ZNF385D: variants seen among roughly 807,000 people sequenced by gnomAD.
The protein encoded by ZNF385D is zinc finger protein 385D, also known as zinc finger protein 659.
In ZNF385D, 15 loss-of-function variants were observed where a neutral mutation model predicts 35.8. That is an observed-to-expected ratio of 0.42 (90% confidence interval 0.28 to 0.64). The LOEUF (loss-of-function observed/expected upper bound fraction) is 0.64, where lower values mean the gene tolerates loss of function less well. Ranked by LOEUF, ZNF385D falls within the 30% of genes least tolerant of loss-of-function variation. The pLI is 0.23. For synonymous variants in ZNF385D, 212 were observed against 186.8 expected (o/e 1.13, Z -1.10); for missense variants, 474 against 494.6 (o/e 0.96, Z 0.39).
intron 3 of ZNF385D, among the ~76,000 whole-genome samples, chr3:22,078,314 G>T (rs563808288): frequency 1.3e-5 from 2 of 152,036 alleles, no homozygotes; most frequent in East Asian, 1.9e-4. Flanking sequence ...TGACTGCATC[G>T]CATTGCAATA....
At chr3:21,927,532 C>T (rs934062854) in intron 3 of ZNF385D, among the ~76,000 whole-genome samples, 37 of 152,132 alleles carry the variant, frequency 2.4e-4, no homozygotes, top group Non-Finnish European at 1.6e-4. Context: ...AGTATTAAAA[C>T]GAAACAAAAA....
At chr3:21,664,820 C>A in intron 2 of ZNF385D, 66 bp downstream of exon 2, 1 of 1,606,162 alleles carries the variant, frequency 6.2e-7, no homozygotes, top group Non-Finnish European at 8.5e-7. Context: ...CCGAACCAAC[C>A]CTGGCCTTTA....
chr3:22,172,028 T>A (rs1198006980), intron 2 of ZNF385D, among the ~76,000 whole-genome samples: 2 of 152,180 alleles, frequency 1.3e-5, no homozygotes, highest in Non-Finnish European at 2.9e-5. Context: ...AAATGGAAAT[T>A]TGACATATTT....
intron 4 of ZNF385D, among the ~76,000 whole-genome samples, chr3:21,509,148 C>T (rs1160218634): frequency 6.6e-6 from 1 of 152,024 alleles, no homozygotes; most frequent in Non-Finnish European, 1.5e-5. Flanking sequence ...TAATGAAACA[C>T]ATATTTTCAT....
At chr3:21,924,854 T>C (rs13077139) in intron 3 of ZNF385D, among the ~76,000 whole-genome samples, 81,195 of 151,876 alleles carry the variant, frequency 0.53, 23,787 homozygotes, top group South Asian at 0.66. Flanking sequence ...CTGAGGCCCA[T>C]TGGGAAACCT....
At chr3:22,066,680 T>C (rs1447109233) in intron 3 of ZNF385D, among the ~76,000 whole-genome samples, 2 of 151,814 alleles carry the variant, frequency 1.3e-5, no homozygotes, top group Non-Finnish European at 2.9e-5. Context: ...GTAACAAGGT[T>C]AGAAGAGGAA....
At chr3:21,774,666 T>A (rs1416658789) in intron 3 of ZNF385D, among the ~76,000 whole-genome samples, 1 of 151,744 alleles carries the variant, frequency 6.6e-6, no homozygotes. Context: ...TTAAGAGATT[T>A]TGTTGACTAG....
intron 2 of ZNF385D, among the ~76,000 whole-genome samples, chr3:22,280,653 C>T (rs1701690428): frequency 6.6e-6 from 1 of 152,046 alleles, no homozygotes; most frequent in Admixed American, 6.6e-5. Context: ...CAGTACCATG[C>T]TGTTTTGGTG....
intron 3 of ZNF385D, among the ~76,000 whole-genome samples, chr3:22,143,351 T>C (rs1319872142): frequency 6.6e-6 from 1 of 152,108 alleles, no homozygotes; most frequent in Non-Finnish European, 1.5e-5. Flanking sequence ...CCCAAAGCGC[T>C]AGGATTACAG....
chr3:22,256,967 A>G (rs1421965540), intron 2 of ZNF385D, among the ~76,000 whole-genome samples: 2 of 151,908 alleles, frequency 1.3e-5, no homozygotes, highest in East Asian at 1.9e-4. Context: ...GACTTAGATC[A>G]AAAGTTATCC....
intron 3 of ZNF385D, among the ~76,000 whole-genome samples, chr3:21,883,282 T>C (rs949162373): frequency 2.6e-5 from 4 of 151,860 alleles, no homozygotes; most frequent in African/African-American, 9.7e-5. Flanking sequence ...AACTTAAAGA[T>C]TTATATTAAT....
At chr3:21,641,917 G>A (rs1231462190) in intron 2 of ZNF385D, among the ~76,000 whole-genome samples, 2 of 152,052 alleles carry the variant, frequency 1.3e-5, no homozygotes, top group African/African-American at 4.8e-5. Context: ...TTGCATGGGG[G>A]AATGCCAGCA....
At chr3:21,502,770 C>T (rs558904662) in intron 4 of ZNF385D, among the ~76,000 whole-genome samples, 3 of 152,280 alleles carry the variant, frequency 2.0e-5, no homozygotes, top group East Asian at 1.9e-4. Flanking sequence ...GCACTTATCA[C>T]ACATCTTGAG....
chr3:21,904,529 T>A (rs1477741629), intron 3 of ZNF385D, among the ~76,000 whole-genome samples: 6 of 152,136 alleles, frequency 3.9e-5, no homozygotes, highest in African/African-American at 1.4e-4. Context: ...TTGATTACGT[T>A]GAGTTGGCAA....
chr3:22,040,921 A>C (rs549432822), intron 3 of ZNF385D, among the ~76,000 whole-genome samples: 2 of 152,104 alleles, frequency 1.3e-5, no homozygotes, highest in Non-Finnish European at 2.9e-5. Flanking sequence ...TTTAATTGAG[A>C]TATAATTTAT....
intron 2 of ZNF385D, among the ~76,000 whole-genome samples, chr3:21,573,518 T>C (rs17009064): frequency 0.014 from 2,125 of 152,276 alleles, 50 homozygotes; most frequent in African/African-American, 0.048. Flanking sequence ...CTCTGACTCA[T>C]GGGCACCAAG....
At chr3:22,350,165 T>C (rs1195301093) in intron 2 of ZNF385D, among the ~76,000 whole-genome samples, 1 of 152,176 alleles carries the variant, frequency 6.6e-6, no homozygotes, top group Non-Finnish European at 1.5e-5. Context: ...AGCGTTTACA[T>C]GCAAAGAAGT....
intron 1 of ZNF385D, among the ~76,000 whole-genome samples, chr3:21,742,500 C>G (rs6767098): frequency 0.48 from 73,689 of 152,118 alleles, 18,191 homozygotes; most frequent in Admixed American, 0.6. Context: ...AAGCTACAGA[C>G]GTAGAGGCTA....
intron 3 of ZNF385D, among the ~76,000 whole-genome samples, chr3:22,029,538 C>A (rs1306992806): frequency 2.0e-5 from 3 of 152,232 alleles, no homozygotes; most frequent in Non-Finnish European, 4.4e-5. Flanking sequence ...GCTATAACCA[C>A]ATGACCAGCT....
Sources: gnomAD v4.1 joint callset for allele counts (sites outside exome capture counted in the v4.1 genomes callset) on GRCh38, gnomAD v4.1.1 for gene constraint, MANE v1.5 for transcripts, NCBI Gene and HGNC (gene_info 2026-07-23, HGNC 2026-07-21) for gene names.